The following MAPK10 variants were observed in gnomAD, a reference collection of about 807,000 sequenced individuals.
The protein encoded by MAPK10 is mitogen-activated protein kinase 10.
In MAPK10, 25 loss-of-function variants were observed where a neutral mutation model predicts 59.3. The observed-to-expected ratio is 0.42, with a 90% CI of 0.31 to 0.59. MAPK10 has a LOEUF of 0.59. Among genes scored for constraint, MAPK10 ranks in the 20% least tolerant of loss-of-function variants. The pLI is 0.15. For missense variants in MAPK10, 351 were observed against 568.9 expected (o/e 0.62, Z 3.90); for synonymous variants, 190 against 200.5 (o/e 0.95, Z 0.44).
At chr4:86,171,401 A>G (rs1156763377) in intron 3 of MAPK10, among the ~76,000 whole-genome samples, 2 of 152,080 alleles carry the variant, frequency 1.3e-5, no homozygotes, top group East Asian at 3.9e-4. Context: ...GGAACAGAAC[A>G]GAGCCCTCAG....
intron 2 of MAPK10, among the ~76,000 whole-genome samples, chr4:86,344,267 T>C (rs1029282730): frequency 1.1e-4 from 17 of 152,090 alleles, no homozygotes; most frequent in African/African-American, 3.9e-4. Context: ...GCTGGGACTA[T>C]AGGCACATGT....
chr4:86,472,890 G>T (rs559116562), intron 1 of MAPK10, among the ~76,000 whole-genome samples: 3 of 152,260 alleles, frequency 2.0e-5, no homozygotes, highest in South Asian at 4.1e-4. Context: ...CAGGGAGAGG[G>T]TATTTAAACT....
intron 1 of MAPK10, among the ~76,000 whole-genome samples, chr4:86,372,824 C>T (rs201519264): frequency 6.6e-6 from 1 of 152,058 alleles, no homozygotes; most frequent in African/African-American, 2.4e-5. Context: ...AGATCTAAAA[C>T]CAACACCCTA....
At chr4:86,465,934 A>T (rs981029472) in intron 1 of MAPK10, among the ~76,000 whole-genome samples, 5 of 152,230 alleles carry the variant, frequency 3.3e-5, no homozygotes, top group Admixed American at 3.3e-4. Flanking sequence ...ACAACCAGTC[A>T]CAATGAGTAA....
intron 3 of MAPK10, among the ~76,000 whole-genome samples, chr4:86,188,559 C>T (rs2078848108): frequency 1.3e-5 from 2 of 152,052 alleles, no homozygotes; most frequent in South Asian, 4.1e-4. Context: ...TGAGAAGTGA[C>T]TGTTCATATC....
intron 1 of MAPK10, among the ~76,000 whole-genome samples, chr4:86,359,282 C>CTG (rs1339000340): frequency 8.8e-5 from 12 of 137,022 alleles, no homozygotes; most frequent in African/African-American, 2.9e-4. Flanking sequence ...CTCTCTCTCT[C>CTG]TCTCTCTGTG....
intron 2 of MAPK10, among the ~76,000 whole-genome samples, chr4:86,323,132 C>G (rs2095940113): frequency 6.6e-6 from 1 of 152,174 alleles, no homozygotes; most frequent in Admixed American, 6.5e-5. Flanking sequence ...TGAGGTTGTT[C>G]CACTGTGCTC....
chr4:86,044,904 A>G (rs2042221755), intron 11 of MAPK10: 1 of 395,132 alleles, frequency 2.5e-6, no homozygotes, highest in Non-Finnish European at 4.5e-6. Context: ...TTCAACAAAT[A>G]TCATACCAGG....
chr4:86,022,486 C>CCTTT lies in MAPK10; in HGVS notation c.1253-5120_1253-5117dup, dbSNP rs553140431. 2.0e-5 allele frequency among the ~76,000 whole-genome samples: 3 copies of CCTTT among 151,692 alleles called. No individual in the cohort carries two copies. The South Asian group carries it at 6.3e-4, about 32-fold the overall frequency. On this transcript the variant is annotated intron_variant, in intron 13 of 13. Transcript: ENST00000641462. ...GTTGTAAGCTCTTTAGCTCTTTCTT[C>CCTTT]CTTTCTTTCTTGCTTTCTTTCTTCT...
At chr4:86,284,049 A>C (rs1488659210) in intron 2 of MAPK10, among the ~76,000 whole-genome samples, 1 of 152,184 alleles carries the variant, frequency 6.6e-6, no homozygotes, top group Non-Finnish European at 1.5e-5. Flanking sequence ...TTTGAGCATG[A>C]ATCCTCCTCC....
At chr4:86,522,648 C>T (rs1469442298) in intron 1 of MAPK10, among the ~76,000 whole-genome samples, 1 of 152,092 alleles carries the variant, frequency 6.6e-6, no homozygotes, top group African/African-American at 2.4e-5. Flanking sequence ...TTTTTGTTCC[C>T]CACCTAAATC....
chr4:86,548,368 T>A (rs1215527828), intron 1 of MAPK10, among the ~76,000 whole-genome samples: 2 of 152,152 alleles, frequency 1.3e-5, no homozygotes, highest in Admixed American at 1.3e-4. Flanking sequence ...CTTTAAGAAC[T>A]GTAACACTCA....
chr4:86,304,416 G>A (rs866349420), intron 2 of MAPK10, among the ~76,000 whole-genome samples: 50 of 130,184 alleles, frequency 3.8e-4, no homozygotes, highest in Middle Eastern at 9.3e-3. Context: ...TTTTTGAGAC[G>A]GAGTCCCGCT....
intron 2 of MAPK10, among the ~76,000 whole-genome samples, chr4:86,287,178 G>A (rs923724584): frequency 2.6e-5 from 4 of 152,098 alleles, no homozygotes; most frequent in Admixed American, 6.6e-5. Flanking sequence ...CATTTTCTAC[G>A]ATCATAGACC....
At chr4:86,330,480 T>C (rs1296751823) in intron 2 of MAPK10, among the ~76,000 whole-genome samples, 1 of 152,182 alleles carries the variant, frequency 6.6e-6, no homozygotes, top group African/African-American at 2.4e-5. Flanking sequence ...CCACACGTCA[T>C]GGGAGGGACC....
At chr4:86,279,387 T>C (rs964647884) in intron 2 of MAPK10, among the ~76,000 whole-genome samples, 16 of 152,284 alleles carry the variant, frequency 1.1e-4, no homozygotes, top group African/African-American at 3.8e-4. Context: ...AAAGCCTAGC[T>C]TCAGATTCTA....
Position 86,423,760 on chromosome 4 carries a change from G to GATATAT in MAPK10, c.-122+29264_-122+29269dup, listed in dbSNP as rs772650050. Among the ~76,000 whole-genome samples the GATATAT allele has an allele frequency of 3.9e-3, 454 of 117,056 alleles. 19 individuals are homozygous for GATATAT. Among genetic ancestry groups the GATATAT allele is most frequent in the African/African-American group, 0.011 (321 of 28,644 alleles). The allele number at this position is 117,056 out of a possible 152,430, so 76.8% of individuals were successfully genotyped here. A position where few individuals can be genotyped will look rare whatever the true frequency, so the allele number is the denominator to read the frequency against. On this transcript the variant is annotated intron_variant, in intron 1 of 13. Transcript: ENST00000361569. ...AGGGCTGCATATAAGTAATTAGTGG[G>GATATAT]ATATATATACATATATATATATATA...
chr4:86,555,400 C>T lies in MAPK10; in HGVS notation c.-263+38510G>A, dbSNP rs549920516. ...GGCGGAGGTTGCAGTAAGCCAAGAT[C>T]GCACCACTGCACTCTAGCCTGGGTG... On this transcript the variant is annotated intron_variant, in intron 1 of 4. Transcript: ENST00000502302. 3.9e-4 allele frequency among the ~76,000 whole-genome samples: 60 copies of T among 152,212 alleles called. 1 individual carries two copies. Among genetic ancestry groups the T allele is most frequent in the African/African-American group, 1.3e-3 (52 of 41,534 alleles).
chr4:86,459,591 G>A (rs188401060), intron 1 of MAPK10, among the ~76,000 whole-genome samples: 1 of 152,270 alleles, frequency 6.6e-6, no homozygotes, highest in Non-Finnish European at 1.5e-5. Flanking sequence ...GCCATAAAAA[G>A]GAATGAATTA....
Sources: gnomAD v4.1 joint callset for allele counts (sites outside exome capture counted in the v4.1 genomes callset) on GRCh38, gnomAD v4.1.1 for gene constraint, MANE v1.5 for transcripts, NCBI Gene and HGNC (gene_info 2026-07-23, HGNC 2026-07-21) for gene names.